Variants in LSAMP observed in about 807,000 individuals in gnomAD.
LSAMP encodes limbic system-associated membrane protein.
In LSAMP, 7 loss-of-function variants were observed where a neutral mutation model predicts 38.6. The ratio of observed to expected loss-of-function variants is 0.18; its 90% CI spans 0.10 to 0.34. The LOEUF (loss-of-function observed/expected upper bound fraction) is 0.34. Among genes scored for constraint, LSAMP ranks in the 10% least tolerant of loss-of-function variants. The pLI is 1.00. For synonymous variants in LSAMP, 154 were observed against 166.8 expected (o/e 0.92, Z 0.59); for missense variants, 313 against 420.0 (o/e 0.75, Z 2.23).
chr3:116,326,324 T>G (rs926695698), intron 1 of LSAMP, among the ~76,000 whole-genome samples: 4 of 152,104 alleles, frequency 2.6e-5, no homozygotes, highest in African/African-American at 9.7e-5. Flanking sequence ...ATAACATAAT[T>G]GTTTTTCCTG....
intron 2 of LSAMP, among the ~76,000 whole-genome samples, chr3:116,084,971 G>A (rs1257147738): frequency 1.3e-5 from 2 of 152,012 alleles, no homozygotes; most frequent in Non-Finnish European, 2.9e-5. Context: ...GTGTGTGTGT[G>A]TGTTTGTGAA....
intron 1 of LSAMP, among the ~76,000 whole-genome samples, chr3:116,239,191 C>G (rs999919964): frequency 6.6e-6 from 1 of 152,096 alleles, no homozygotes; most frequent in East Asian, 1.9e-4. Context: ...TGTATAGAGT[C>G]TCACATGAGT....
At chr3:116,277,399 C>G (rs916825793) in intron 1 of LSAMP, among the ~76,000 whole-genome samples, 1 of 150,852 alleles carries the variant, frequency 6.6e-6, no homozygotes, top group Non-Finnish European at 1.5e-5. Context: ...GACAGAGTCT[C>G]GCTCTGTCGC....
chr3:115,906,364 G>A (rs527786290), intron 3 of LSAMP, among the ~76,000 whole-genome samples: 1 of 152,048 alleles, frequency 6.6e-6, no homozygotes, highest in Non-Finnish European at 1.5e-5. Context: ...TGTAAGTCCT[G>A]GGAAAAATAA....
At chr3:116,363,821 C>T (rs759661261) in intron 1 of LSAMP, among the ~76,000 whole-genome samples, 3,051 of 148,580 alleles carry the variant, frequency 0.021, 33 homozygotes, top group Non-Finnish European at 0.031. Context: ...ACCCTTCATG[C>T]TAAAAACTCT....
chr3:115,808,143 T>TCCCCC lies in LSAMP; in HGVS notation c.*2173_*2174insGGGGG, dbSNP rs1559828924. ...CTCCCTCCCTCCCTCCCTCCCTCCC[T>TCCCCC]CCCTCCCCCCCTTCCCCGTCCCCCC... On this transcript the variant is annotated 3_prime_UTR_variant, in exon 7 of 7. Transcript: ENST00000490035. 5.6e-5 allele frequency: 3 copies of TCCCCC among 53,822 alleles called. No homozygotes were observed. The highest frequency in any genetic ancestry group is 2.8e-4 in the African/African-American group (3 of 10,808). The allele number at this position is 53,822 out of a possible 1,614,324, so 3.3% of individuals were successfully genotyped here.
intron 1 of LSAMP, among the ~76,000 whole-genome samples, chr3:116,274,073 T>C (rs2047016205): frequency 6.6e-6 from 1 of 151,744 alleles, no homozygotes; most frequent in South Asian, 2.1e-4. Context: ...TTCAGAGGAG[T>C]TTTCTGGACT....
intron 1 of LSAMP, chr3:116,369,817 G>T (rs1331055649): frequency 6.6e-6 from 1 of 152,494 alleles, no homozygotes; most frequent in Non-Finnish European, 1.5e-5. Flanking sequence ...CAACATGACT[G>T]CTGTCTTTAT....
chr3:116,274,859 T>C (rs1194462201), intron 1 of LSAMP, among the ~76,000 whole-genome samples: 1 of 151,216 alleles, frequency 6.6e-6, no homozygotes, highest in Non-Finnish European at 1.5e-5. Flanking sequence ...CATTAACAAA[T>C]GGGCAAAATT....
chr3:116,173,765 A>G (rs1710266030), intron 1 of LSAMP, among the ~76,000 whole-genome samples: 1 of 136,262 alleles, frequency 7.3e-6, no homozygotes, highest in Non-Finnish European at 1.5e-5. Flanking sequence ...AAGAAATAGA[A>G]GAAGAGGGGA....
At chr3:116,021,702 C>T (rs917099293) in intron 2 of LSAMP, among the ~76,000 whole-genome samples, 1 of 151,280 alleles carries the variant, frequency 6.6e-6, no homozygotes, top group Admixed American at 6.6e-5. Context: ...GCTCTATATC[C>T]CTAATATAAA....
chr3:115,815,944 A>G (rs1296086921), intron 6 of LSAMP, among the ~76,000 whole-genome samples: 2 of 152,138 alleles, frequency 1.3e-5, no homozygotes, highest in Non-Finnish European at 2.9e-5. Flanking sequence ...GCTCTTGATC[A>G]CTGGTGGGAT....
At chr3:115,821,286 T>G (rs1454369651) in intron 6 of LSAMP, among the ~76,000 whole-genome samples, 1 of 152,174 alleles carries the variant, frequency 6.6e-6, no homozygotes, top group African/African-American at 2.4e-5. Flanking sequence ...AATTTTGGCA[T>G]TTTGCTTTCT....
intron 1 of LSAMP, among the ~76,000 whole-genome samples, chr3:116,367,680 T>C (rs1275825316): frequency 3.3e-5 from 5 of 151,822 alleles, no homozygotes; most frequent in Non-Finnish European, 1.5e-5. Context: ...ACTAGTTTTT[T>C]GTATTTTTAG....
chr3:115,911,477 G>A (rs1466386456), intron 3 of LSAMP, among the ~76,000 whole-genome samples: 1 of 152,090 alleles, frequency 6.6e-6, no homozygotes, highest in Non-Finnish European at 1.5e-5. Context: ...CCCACCTCCT[G>A]AGTAGCTGGG....
chr3:115,869,595 A>G (rs1935968128), intron 3 of LSAMP, among the ~76,000 whole-genome samples: 1 of 152,132 alleles, frequency 6.6e-6, no homozygotes, highest in African/African-American at 2.4e-5. Flanking sequence ...CAGATGTTCT[A>G]GTACTTTACT....
chr3:115,939,581 T>TTTCTTTCTTTCTTTCC (rs1221412986), intron 3 of LSAMP, among the ~76,000 whole-genome samples: 1 of 150,756 alleles, frequency 6.6e-6, no homozygotes, highest in South Asian at 2.1e-4. Flanking sequence ...TCTTTCTTTC[T>TTTCTTTCTTTCTTTCC]TTCTGTTAAG....
intron 1 of LSAMP, among the ~76,000 whole-genome samples, chr3:116,288,635 A>G (rs958488125): frequency 5.3e-5 from 8 of 152,148 alleles, no homozygotes; most frequent in African/African-American, 1.9e-4. Context: ...GAAAATACTG[A>G]GAGTTTCAAT....
chr3:116,308,714 G>T (rs887817869), intron 1 of LSAMP, among the ~76,000 whole-genome samples: 2 of 152,028 alleles, frequency 1.3e-5, no homozygotes, highest in Non-Finnish European at 2.9e-5. Context: ...GAACTTAGGG[G>T]TTGAAAGCCC....
Sources: allele counts gnomAD v4.1 joint callset (sites outside exome capture counted in the v4.1 genomes callset), GRCh38; gene constraint gnomAD v4.1.1; transcripts MANE v1.5; gene names NCBI Gene and HGNC (gene_info 2026-07-23, HGNC 2026-07-21).